Variants in DTNA observed in about 807,000 individuals in gnomAD.
DTNA encodes dystrophin-related protein 3.
Under a neutral mutation model 100.7 loss-of-function variants are expected in DTNA, and 43 were observed. The observed-to-expected ratio is 0.43, with a 90% CI of 0.33 to 0.55. The LOEUF is 0.55. DTNA is among the 20% of genes least tolerant of loss of function. DTNA has a pLI of 0.04. For missense variants in DTNA, 798 were observed against 953.9 expected, an observed-to-expected ratio of 0.84 and a Z score of 2.15; for synonymous variants, 349 against 347.9, an observed-to-expected ratio of 1.00 and a Z score of -0.04.
chr18:34,649,960 G>T (rs2060260137), intron 1 of DTNA, among the ~76,000 whole-genome samples: 1 of 151,942 alleles, frequency 6.6e-6, no homozygotes, highest in Non-Finnish European at 1.5e-5. Flanking sequence ...AAAATGACAT[G>T]TGTTTGCCTT....
rs2094530259 is a variant in DTNA, at chr18:34,786,951, A to G, written c.149-7086A>G. On this transcript the variant is annotated intron_variant, in intron 3 of 22. Transcript: ENST00000444659. The stretch of plus-strand genomic sequence containing the variant: ...AAAGGACTGAGAACTACTGACTTCA[A>G]GAAGCGCTTCTTATACTTAAATGTG... Among the ~76,000 whole-genome samples, 3 of 152,288 alleles carry G rather than the reference A, an allele frequency of 2.0e-5. No homozygotes were observed. The South Asian group carries it at 6.2e-4, about 32-fold the overall frequency.
At chr18:34,877,864 C>G (rs1425017354) in intron 19 of DTNA, 56 bp downstream of exon 19, 1 of 1,412,650 alleles carries the variant, frequency 7.1e-7, no homozygotes, top group Non-Finnish European at 1.0e-6. Flanking sequence ...TCCATAAGTG[C>G]TAGGGGTCTC....
chr18:34,673,150 A>G (rs1357011404), intron 1 of DTNA, among the ~76,000 whole-genome samples: 1 of 152,108 alleles, frequency 6.6e-6, no homozygotes, highest in African/African-American at 2.4e-5. Flanking sequence ...GCAGTGGCAC[A>G]ATCTTGGCTC....
intron 1 of DTNA, among the ~76,000 whole-genome samples, chr18:34,595,258 G>C (rs967480535): frequency 6.6e-6 from 1 of 152,092 alleles, no homozygotes; most frequent in Non-Finnish European, 1.5e-5. Context: ...CATACACTCA[G>C]GTACACACAG....
At chr18:34,655,272 TC>T (rs1339947556) in intron 1 of DTNA, among the ~76,000 whole-genome samples, 1 of 152,132 alleles carries the variant, frequency 6.6e-6, no homozygotes, top group African/African-American at 2.4e-5. Flanking sequence ...CCTCCTTCTC[TC>T]TTACATAATT....
intron 3 of DTNA, among the ~76,000 whole-genome samples, chr18:34,787,057 T>C (rs2094534328): frequency 6.6e-6 from 1 of 152,160 alleles, no homozygotes; most frequent in African/African-American, 2.4e-5. Flanking sequence ...GATGCAGCAT[T>C]TCTAAATAGC....
At chr18:34,860,116 G>A (rs2096600750) in intron 16 of DTNA, among the ~76,000 whole-genome samples, 3 of 151,748 alleles carry the variant, frequency 2.0e-5, no homozygotes, top group South Asian at 2.1e-4. Flanking sequence ...GCACGATCTC[G>A]GCTCACTGCA....
At chr18:34,726,115 G>A (rs1215263635) in intron 1 of DTNA, among the ~76,000 whole-genome samples, 1 of 152,136 alleles carries the variant, frequency 6.6e-6, no homozygotes, top group Admixed American at 6.5e-5. Flanking sequence ...GGGGCTGGAG[G>A]AGGGATAGCA....
intron 4 of DTNA, among the ~76,000 whole-genome samples, chr18:34,802,497 A>G (rs1275238042): frequency 6.6e-6 from 1 of 152,076 alleles, no homozygotes; most frequent in Non-Finnish European, 1.5e-5. Context: ...TAGCTCCTAA[A>G]TTTTTCCATT....
chr18:34,609,245 CTT>C (rs71166019), intron 1 of DTNA, among the ~76,000 whole-genome samples: 16 of 131,266 alleles, frequency 1.2e-4, no homozygotes, highest in Admixed American at 3.1e-4. Context: ...TGCTTTAATT[CTT>C]TTTTTTTTTT....
At chr18:34,633,968 T>C (rs1379693351) in intron 1 of DTNA, among the ~76,000 whole-genome samples, 1 of 152,188 alleles carries the variant, frequency 6.6e-6, no homozygotes, top group African/African-American at 2.4e-5. Flanking sequence ...CAGCACATAG[T>C]AGATAACCAA....
intron 16 of DTNA, among the ~76,000 whole-genome samples, chr18:34,858,809 C>T (rs540202609): frequency 5.9e-5 from 9 of 152,270 alleles, no homozygotes; most frequent in Non-Finnish European, 1.0e-4. Flanking sequence ...CAGGGTTTCA[C>T]CATATTAGTC....
chr18:34,552,363 T>A (rs913269481), intron 1 of DTNA, among the ~76,000 whole-genome samples: 6 of 151,940 alleles, frequency 3.9e-5, no homozygotes, highest in Non-Finnish European at 8.8e-5. Flanking sequence ...TTGGTTTGCT[T>A]ATTTTTTTTT....
intron 1 of DTNA, among the ~76,000 whole-genome samples, chr18:34,509,220 G>C (rs1421172820): frequency 1.3e-5 from 2 of 152,116 alleles, no homozygotes; most frequent in Admixed American, 1.3e-4. Context: ...TGGTATAGCA[G>C]ATGTTTCCTC....
At chr18:34,841,441 T>A (rs1456603453) in intron 13 of DTNA, among the ~76,000 whole-genome samples, 2 of 152,212 alleles carry the variant, frequency 1.3e-5, no homozygotes, top group Non-Finnish European at 2.9e-5. Flanking sequence ...TGTATGTAGT[T>A]CCTTGAGTTG....
chr18:34,670,226 C>G (rs2076553201), intron 1 of DTNA, among the ~76,000 whole-genome samples: 2 of 152,218 alleles, frequency 1.3e-5, no homozygotes, highest in African/African-American at 4.8e-5. Context: ...GCTACTGAAG[C>G]TTGTGCATTC....
At chr18:34,824,507 G>A (rs148720515) in intron 9 of DTNA, among the ~76,000 whole-genome samples, 1 of 151,758 alleles carries the variant, frequency 6.6e-6, no homozygotes, top group Non-Finnish European at 1.5e-5. Context: ...TTACTACATG[G>A]CACATGTATA....
chr18:34,621,252 A>G (rs1231784201), intron 1 of DTNA, among the ~76,000 whole-genome samples: 2 of 149,958 alleles, frequency 1.3e-5, no homozygotes, highest in African/African-American at 4.9e-5. Flanking sequence ...TATCCTGTGA[A>G]TAATGATTGT....
chr18:34,566,568 A>T (rs2047106934), intron 1 of DTNA, among the ~76,000 whole-genome samples: 1 of 152,248 alleles, frequency 6.6e-6, no homozygotes. Flanking sequence ...CTTCTTTGAA[A>T]TATGAGACAG....
Sources: gnomAD v4.1 joint callset for allele counts (sites outside exome capture counted in the v4.1 genomes callset) on GRCh38, gnomAD v4.1.1 for gene constraint, MANE v1.5 for transcripts, NCBI Gene and HGNC (gene_info 2026-07-23, HGNC 2026-07-21) for gene names.